TMC3: variants seen among roughly 807,000 people sequenced by gnomAD.
TMC3 encodes the protein transmembrane channel-like protein 3.
In TMC3, 98 loss-of-function variants were observed where a neutral mutation model predicts 110.6. The observed-to-expected ratio is 0.89, with a 90% confidence interval of 0.75 to 1.05. The LOEUF is 1.05. Among genes scored for constraint, TMC3 ranks in the 50% least tolerant of loss-of-function variants. The pLI is 0.00. For missense variants in TMC3, 1,319 were observed against 1,373.2 expected, an observed-to-expected ratio of 0.96 and a Z score of 0.62; for synonymous variants, 489 against 513.1, an observed-to-expected ratio of 0.95 and a Z score of 0.63.
At chr15:81,343,838 G>T (rs1893764457) in intron 14 of TMC3, 79 bp downstream of exon 14, 1 of 1,522,446 alleles carries the variant, frequency 6.6e-7, no homozygotes, top group Non-Finnish European at 8.9e-7. Flanking sequence ...AACTATGCTG[G>T]ACTGTTTCCC....
intron 4 of TMC3, among the ~76,000 whole-genome samples, chr15:81,360,770 C>T (rs1894170712): frequency 6.6e-6 from 1 of 152,046 alleles, no homozygotes. Flanking sequence ...ATGGTCACTG[C>T]CTCTAGACTC....
intron 10 of TMC3, among the ~76,000 whole-genome samples, chr15:81,350,251 T>C (rs1269757526): frequency 6.6e-6 from 1 of 152,158 alleles, no homozygotes; most frequent in African/African-American, 2.4e-5. Context: ...CAAAAAGGAT[T>C]CACTAGCATT....
intron 21 of TMC3, 31 bp downstream of exon 21, chr15:81,334,689 G>C: frequency 6.3e-7 from 1 of 1,593,092 alleles, no homozygotes; most frequent in South Asian, 1.1e-5. Flanking sequence ...TCACATTCCA[G>C]GTTTTAATCT....
chr15:81,347,287 AT>A (rs982910671), intron 11 of TMC3, among the ~76,000 whole-genome samples: 19 of 152,232 alleles, frequency 1.2e-4, no homozygotes, highest in Admixed American at 6.5e-5. Flanking sequence ...GAGAAAGTTG[AT>A]GGGAAAGCAT....
intron 15 of TMC3, among the ~76,000 whole-genome samples, chr15:81,342,543 T>C (rs901945535): frequency 7.9e-5 from 12 of 152,242 alleles, no homozygotes; most frequent in African/African-American, 2.7e-4. Context: ...TTTGTAAAGA[T>C]ATTTTGCAAA....
intron 14 of TMC3, 81 bp from the exon 15 acceptor site, chr15:81,343,426 G>A: frequency 1.1e-6 from 1 of 896,190 alleles, no homozygotes; most frequent in Non-Finnish European, 1.9e-6. Flanking sequence ...CACCTATATA[G>A]ACTTCTTTGC....
Position 81,358,219 on chromosome 15 carries a change from G to C in TMC3, c.673C>G (p.Arg225Gly). The change falls in exon 7 of 22, where the codon CGG becomes GGG. Residue 225 changes from arginine to glycine, a missense_variant. Transcript: ENST00000359440. ...RERKIGRAGYRLPLAYFLVGM... is the reference protein window; with the variant it reads ...RERKIGRAGYGLPLAYFLVGM... The stretch of plus-strand genomic sequence containing the variant: ...ACTAGGAAATACGCCAAGGGCAGCC[G>C]GTAGCCAGCTCTCCCGATCTTCCTC... The C allele has an allele frequency of 6.2e-7, 1 of 1,613,428 alleles. No homozygotes were observed. The highest frequency in any genetic ancestry group is 2.2e-5 in the East Asian group (1 of 44,866).
At chr15:81,372,109 CT>C (rs201939813) in intron 2 of TMC3, among the ~76,000 whole-genome samples, 16,310 of 145,290 alleles carry the variant, frequency 0.11, 906 homozygotes, top group East Asian at 0.23. Context: ...CCTATAAAGT[CT>C]TTTTTTTTTT....
intron 3 of TMC3, 85 bp downstream of exon 3, chr15:81,368,168 C>T (rs1009783682): frequency 1.3e-5 from 12 of 945,878 alleles, no homozygotes; most frequent in Non-Finnish European, 1.7e-5. Flanking sequence ...CTTCTGACCT[C>T]GTGATCCACC....
At chr15:81,370,894 C>G (rs931838147) in intron 2 of TMC3, among the ~76,000 whole-genome samples, 1 of 152,042 alleles carries the variant, frequency 6.6e-6, no homozygotes, top group Non-Finnish European at 1.5e-5. Flanking sequence ...AGGTGGGTCT[C>G]GATCTCCTGA....
chr15:81,334,676 C>T (rs531990919), intron 21 of TMC3, 44 bp downstream of exon 21: 1 of 1,577,724 alleles, frequency 6.3e-7, no homozygotes, highest in South Asian at 1.2e-5. Context: ...GCCTTCAAAT[C>T]TCTCACATTC....
chr15:81,362,158 T>C (rs1475535085), intron 4 of TMC3, 62 bp downstream of exon 4: 2 of 1,437,080 alleles, frequency 1.4e-6, no homozygotes, highest in East Asian at 4.9e-5. Context: ...CAGACTCTCC[T>C]TAGGCTGTGA....
intron 19 of TMC3, 65 bp downstream of exon 19, chr15:81,337,781 G>A (rs1019733204): frequency 1.4e-5 from 20 of 1,386,896 alleles, no homozygotes; most frequent in Admixed American, 1.2e-4. Context: ...GTATTCCCAC[G>A]CTGGCGGGAT....
chr15:81,337,068 G>GT (rs35324508), intron 19 of TMC3, among the ~76,000 whole-genome samples: 18,129 of 147,432 alleles, frequency 0.12, 1,178 homozygotes, highest in Non-Finnish European at 0.17. Flanking sequence ...TTCATGGGAA[G>GT]TTTTTTTTTT....
rs780180273 is a variant in TMC3, at chr15:81,355,791, A to G, written c.892-23T>C. ...TTCCTTTAAGAAAAATACATACAGC[A>G]ATAAAAGCTTAGCATCATCATTAAT... On this transcript the variant is annotated intron_variant, in intron 8 of 21. Coordinates refer to ENST00000359440, the MANE Select transcript of TMC3 (RefSeq NM_001080532.3). 8.1e-6 allele frequency: 12 copies of G among 1,489,780 alleles called. No homozygotes were observed. In the South Asian group the frequency reaches 1.4e-4, roughly 18 times the overall value. The allele number at this position is 1,489,780 out of a possible 1,614,324, so 92.3% of individuals were successfully genotyped here. A position where few individuals can be genotyped will look rare whatever the true frequency, so the allele number is the denominator to read the frequency against.
chr15:81,370,248 C>T (rs1344894432), intron 2 of TMC3, among the ~76,000 whole-genome samples: 2 of 152,220 alleles, frequency 1.3e-5, no homozygotes, highest in African/African-American at 2.4e-5. Context: ...TCCTGCTATG[C>T]TCCCTTGATT....
intron 3 of TMC3, among the ~76,000 whole-genome samples, chr15:81,365,644 G>C (rs1264315309): frequency 6.9e-6 from 1 of 144,200 alleles, no homozygotes; most frequent in Non-Finnish European, 1.5e-5. Context: ...GCACTCCAGC[G>C]TGGGCCACAG....
rs113015847 is a variant in TMC3 at position 81,359,455 on chromosome 15, G to A, written c.411C>T (p.Gly137=). ...TCAAGAATATGAAATAGGAGGCAAC[G>A]CCAGATCCAAAATGACCTAAAGAAA... ...IKKIESHFGS[G]VASYFIFLRW... Residue 137 remains glycine (G), a synonymous_variant, in exon 5 of 22, where the codon GGC becomes GGT. Coordinates refer to ENST00000359440, the MANE Select transcript of TMC3 (RefSeq NM_001080532.3). The A allele has an allele frequency of 3.4e-4, 545 of 1,594,800 alleles. 4 individuals carry two copies. The African/African-American group carries it at 6.0e-3, about 18-fold the overall frequency.
chr15:81,364,994 T>G (rs1321481008), intron 3 of TMC3, among the ~76,000 whole-genome samples: 1 of 152,128 alleles, frequency 6.6e-6, no homozygotes, highest in Non-Finnish European at 1.5e-5. Flanking sequence ...ATGTTTCTCA[T>G]GATTATAAAA....
Sources: allele counts gnomAD v4.1 joint callset (sites outside exome capture counted in the v4.1 genomes callset), GRCh38; gene constraint gnomAD v4.1.1; transcripts MANE v1.5; gene names NCBI Gene and HGNC (gene_info 2026-07-23, HGNC 2026-07-21).